Variants in CBX6 observed in about 807,000 individuals in gnomAD.
CBX6 encodes the protein chromobox 6, also known as chromobox protein homolog 6.
In CBX6, 7 loss-of-function variants were observed where a neutral mutation model predicts 28.4. That is an observed-to-expected ratio of 0.25 (90% CI 0.14 to 0.46). The LOEUF is 0.46. Ranked by LOEUF, CBX6 falls within the 20% of genes least tolerant of loss-of-function variation. The pLI is 0.99. For synonymous variants in CBX6, 297 were observed against 273.4 expected (o/e 1.09, Z -0.85); for missense variants, 512 against 606.1 (o/e 0.84, Z 1.63).
intron 4 of CBX6, 27 bp from the exon 5 acceptor site, chr22:38,867,228 G>GGGGGGGCC: frequency 1.9e-6 from 1 of 518,862 alleles, no homozygotes; most frequent in Non-Finnish European, 3.6e-6. Context: ...GGGTGGGTGG[G>GGGGGGGCC]ACCTCAGGAC....
At position 38,871,871 on chromosome 22, in the gene CBX6, C is replaced by T; in HGVS notation, c.113+31G>A. The T allele has an allele frequency of 6.5e-7, 1 of 1,536,344 alleles. No homozygotes were observed. Among genetic ancestry groups the T allele is most frequent in the Non-Finnish European group, 8.8e-7 (1 of 1,138,260 alleles). ...GCCCCGGTGCCCGCTGCCTCCCCTC[C>T]CGCGACGCCCCCGGACCCCGCGACA... On this transcript the variant is annotated intron_variant, in intron 2 of 4. Transcript: ENST00000407418. The surrounding 1 kb of genome is among the most constrained non-coding windows in gnomAD (Gnocchi z 5.6).
At position 38,863,270 on chromosome 22, in the gene CBX6, G is replaced by C. The variant is rs1042676599; in HGVS notation, c.*2939C>G. The C allele has an allele frequency of 6.6e-6, 1 of 152,216 alleles. No individual in the cohort carries two copies. The highest frequency in any genetic ancestry group is 2.4e-5 in the African/African-American group (1 of 41,434). 9.4% of individuals were successfully genotyped at this position (152,216 alleles called of 1,614,324 possible). A position where few individuals can be genotyped will look rare whatever the true frequency, so the allele number is the denominator to read the frequency against. On this transcript the variant is annotated 3_prime_UTR_variant, in exon 5 of 5. Transcript: ENST00000407418. The stretch of plus-strand genomic sequence containing the variant: ...CAAACCAGAGACACCAGACCTCACC[G>C]GTTTCCTATGATACTTGGGTGGGGA...
In CBX6 at chr22:38,865,707, A is replaced by G; in HGVS notation, c.*502T>C. On this transcript the variant is annotated 3_prime_UTR_variant, in exon 5 of 5. Coordinates refer to ENST00000407418, the MANE Select transcript of CBX6 (RefSeq NM_014292.5). ...ACTTCTGATGCCCTGGCTGATGTGG[A>G]GGGAGGAGCCGAGTCAGGCCTCATC... 6.3e-6 allele frequency: 1 copy of G among 159,210 alleles called. No homozygotes were observed. Among genetic ancestry groups the G allele is most frequent in the Non-Finnish European group, 1.4e-5 (1 of 72,144 alleles). The allele number at this position is 159,210 out of a possible 1,614,324, so 9.9% of individuals were successfully genotyped here.
chr22:38,871,396 T>C lies in CBX6; in HGVS notation c.246+84A>G. 1 of 1,392,668 alleles carries C rather than the reference T, an allele frequency of 7.2e-7. No individual in the cohort carries two copies. The highest frequency in any genetic ancestry group is 9.9e-7 in the Non-Finnish European group (1 of 1,014,672). 86.3% of individuals were successfully genotyped at this position (1,392,668 alleles called of 1,614,324 possible). On this transcript the variant is annotated intron_variant, in intron 4 of 4. Coordinates refer to ENST00000407418, the MANE Select transcript of CBX6 (RefSeq NM_014292.5). This position sits in a 1 kb window ranked among gnomAD's most constrained non-coding sequence, Gnocchi z 5.6. ...AGGCCGGCCCGCTTGGGCGGCCGCGTATCTGTCCCTCCCTTCCAGGCCCCG... is the reference window on the plus strand; with the variant it reads ...AGGCCGGCCCGCTTGGGCGGCCGCGCATCTGTCCCTCCCTTCCAGGCCCCG...
Position 38,861,841 on chromosome 22 carries a change from G to C in CBX6, c.*4368C>G, listed in dbSNP as rs1229834546. 2 of 152,138 alleles carry C rather than the reference G, an allele frequency of 1.3e-5. No homozygotes were observed. The highest frequency in any genetic ancestry group is 2.9e-5 in the Non-Finnish European group (2 of 68,018). 9.4% of individuals were successfully genotyped at this position (152,138 alleles called of 1,614,324 possible). A position where few individuals can be genotyped will look rare whatever the true frequency, so the allele number is the denominator to read the frequency against. On this transcript the variant is annotated 3_prime_UTR_variant, in exon 5 of 5. Transcript: ENST00000407418. ...CAACAACACTTCATTTTAAAAATGA[G>C]AGAAAAAAGAGACAGTGCCCCTCCC... is the stretch of plus-strand genomic sequence containing the variant.
rs139971387 is a variant in CBX6, at chr22:38,865,662, GA to G, written c.*546del. Reference sequence around the variant, plus strand: ...TAGGCCTCGTCCAAAATCGAGCAGGGAAGACCCCGCCCTGGCCCAACTTCTG... The same window carrying G: ...TAGGCCTCGTCCAAAATCGAGCAGGGAGACCCCGCCCTGGCCCAACTTCTG... On this transcript the variant is annotated 3_prime_UTR_variant, in exon 5 of 5. Coordinates refer to ENST00000407418, the MANE Select transcript of CBX6 (RefSeq NM_014292.5). 6,156 of 157,380 alleles carry G rather than the reference GA, an allele frequency of 0.039. 173 individuals are homozygous for G. The highest frequency in any genetic ancestry group is 0.087 in the East Asian group (454 of 5,232). 9.7% of individuals were successfully genotyped at this position (157,380 alleles called of 1,614,324 possible).
chr22:38,871,821 G>A lies in CBX6; in HGVS notation c.114-64C>T, dbSNP rs990121551. 5.1e-6 allele frequency: 8 copies of A among 1,581,522 alleles called. No homozygotes were observed. The Admixed American group carries it at 7.0e-5, about 14-fold the overall frequency. ...AGAGAGGGACAGGCACGCGGCGAGA[G>A]CAAGAGCGCGCACCCCCACCCCAGG... On this transcript the variant is annotated intron_variant, in intron 2 of 4. Transcript: ENST00000407418. This position sits in a 1 kb window ranked among gnomAD's most constrained non-coding sequence, Gnocchi z 5.6.
rs1413367054 is a variant in CBX6 at position 38,866,020 on chromosome 22, T to C, written c.*189A>G. 2 of 600,800 alleles carry C rather than the reference T, an allele frequency of 3.3e-6. No homozygotes were observed. Among genetic ancestry groups the C allele is most frequent in the Non-Finnish European group, 2.9e-6 (1 of 339,634 alleles). The allele number at this position is 600,800 out of a possible 1,614,324, so 37.2% of individuals were successfully genotyped here. ...GGGGGTGTGCCCTTCCCCTGCCCCATTCCAGGGTGGCCCCTACCCCCGGCT... is the reference window on the plus strand; with the variant it reads ...GGGGGTGTGCCCTTCCCCTGCCCCACTCCAGGGTGGCCCCTACCCCCGGCT... On this transcript the variant is annotated 3_prime_UTR_variant, in exon 5 of 5. Transcript: ENST00000407418. The surrounding 1 kb of genome is among the most constrained non-coding windows in gnomAD (Gnocchi z 7.5).
intron 4 of CBX6, among the ~76,000 whole-genome samples, chr22:38,868,335 C>T (rs1013570464): frequency 3.9e-5 from 6 of 152,134 alleles, no homozygotes; most frequent in Admixed American, 2.0e-4. Context: ...TTTCGTGCAG[C>T]GAAAGAACCA....
intron 4 of CBX6, among the ~76,000 whole-genome samples, chr22:38,869,075 G>A (rs1161456615): frequency 2.6e-5 from 4 of 152,174 alleles, no homozygotes; most frequent in African/African-American, 9.7e-5. Context: ...TGCCAATGCT[G>A]CCAGCCCAGC....
At chr22:38,869,131 G>C (rs2093176825) in intron 4 of CBX6, among the ~76,000 whole-genome samples, 1 of 152,212 alleles carries the variant, frequency 6.6e-6, no homozygotes, top group Non-Finnish European at 1.5e-5. Flanking sequence ...CAAAGGCAGG[G>C]AAAAGCCCAG....
At position 38,866,140 on chromosome 22, in the gene CBX6, G is replaced by T; in HGVS notation, c.*69C>A. The T allele has an allele frequency of 9.0e-7, 1 of 1,108,612 alleles. No homozygotes were observed. Among genetic ancestry groups the T allele is most frequent in the Non-Finnish European group, 1.3e-6 (1 of 771,164 alleles). The allele number at this position is 1,108,612 out of a possible 1,614,324, so 68.7% of individuals were successfully genotyped here. A position where few individuals can be genotyped will look rare whatever the true frequency, so the allele number is the denominator to read the frequency against. ...GGGAGAGAGGGCTGGGGGCAAGGGTGGGGTGGGAGCAAGAGTATGACTTCG... is the reference window on the plus strand; with the variant it reads ...GGGAGAGAGGGCTGGGGGCAAGGGTTGGGTGGGAGCAAGAGTATGACTTCG... On this transcript the variant is annotated 3_prime_UTR_variant, in exon 5 of 5. Transcript: ENST00000407418. The surrounding 1 kb of genome is among the most constrained non-coding windows in gnomAD (Gnocchi z 7.5).
rs1437016392 is a variant in CBX6 at position 38,862,227 on chromosome 22, G to A, written c.*3982C>T. 2.0e-5 allele frequency: 3 copies of A among 152,172 alleles called. No homozygotes were observed. The highest frequency in any genetic ancestry group is 2.9e-5 in the Non-Finnish European group (2 of 68,048). 9.4% of individuals were successfully genotyped at this position (152,172 alleles called of 1,614,324 possible). A position where few individuals can be genotyped will look rare whatever the true frequency, so the allele number is the denominator to read the frequency against. On this transcript the variant is annotated 3_prime_UTR_variant, in exon 5 of 5. Transcript: ENST00000407418. ...AGGGAACCACGAAGGCCTGGGAGGG[G>A]GCATCTTTGGCCCCCACTAACCATC... is the stretch of plus-strand genomic sequence containing the variant.
At position 38,862,044 on chromosome 22, in the gene CBX6, G is replaced by C. The variant is rs1003711578; in HGVS notation, c.*4165C>G. The C allele has an allele frequency of 1.3e-5, 2 of 152,158 alleles. No homozygotes were observed. Among genetic ancestry groups the C allele is most frequent in the African/African-American group, 2.4e-5 (1 of 41,426 alleles). 9.4% of individuals were successfully genotyped at this position (152,158 alleles called of 1,614,324 possible). The stretch of plus-strand genomic sequence containing the variant: ...CCTCTCCACTCCACCCAGCAGCAAG[G>C]GCAGCCGGAACGCTTCGCTCCAGCT... On this transcript the variant is annotated 3_prime_UTR_variant, in exon 5 of 5. Coordinates refer to ENST00000407418, the MANE Select transcript of CBX6 (RefSeq NM_014292.5).
In CBX6 at chr22:38,865,877, A is replaced by C; in HGVS notation, c.*332T>G. ...TGCCAGGTTAGCACCGAGAAATCAG[A>C]CGCCGCACAGGAGAGCAGGAAGCAA... On this transcript the variant is annotated 3_prime_UTR_variant, in exon 5 of 5. Transcript: ENST00000407418. 3.3e-6 allele frequency: 1 copy of C among 303,166 alleles called. No individual in the cohort carries two copies. Among genetic ancestry groups the C allele is most frequent in the Non-Finnish European group, 6.1e-6 (1 of 163,114 alleles). 18.8% of individuals were successfully genotyped at this position (303,166 alleles called of 1,614,324 possible).
At chr22:38,868,911 G>A (rs183260804) in intron 4 of CBX6, among the ~76,000 whole-genome samples, 18 of 152,228 alleles carry the variant, frequency 1.2e-4, no homozygotes, top group Non-Finnish European at 2.4e-4. Flanking sequence ...GGCTAAGCAA[G>A]GATGTCTTCA....
chr22:38,862,880 TC>T lies in CBX6; in HGVS notation c.*3328del, dbSNP rs1432533940. 6.6e-6 allele frequency: 1 copy of T among 152,386 alleles called. No individual in the cohort carries two copies. The highest frequency in any genetic ancestry group is 1.5e-5 in the Non-Finnish European group (1 of 68,088). The allele number at this position is 152,386 out of a possible 1,614,324, so 9.4% of individuals were successfully genotyped here. A position where few individuals can be genotyped will look rare whatever the true frequency, so the allele number is the denominator to read the frequency against. ...TCCTGGGCCCCAGTCCCTGCCGCATTCCCCCAGTGAAGCAGCTGCGCTTCTC... is the reference window on the plus strand; with the variant it reads ...TCCTGGGCCCCAGTCCCTGCCGCATTCCCCAGTGAAGCAGCTGCGCTTCTC... On this transcript the variant is annotated 3_prime_UTR_variant, in exon 5 of 5. Coordinates refer to ENST00000407418, the MANE Select transcript of CBX6 (RefSeq NM_014292.5).
chr22:38,870,412 C>A lies in CBX6; in HGVS notation c.246+1068G>T, dbSNP rs1001179047. ...ATACTCGCTTCGCCGCTAGAGGGTGCCCCAGCTGCACTGAGAGGCTGTCAC... is the reference window on the plus strand; with the variant it reads ...ATACTCGCTTCGCCGCTAGAGGGTGACCCAGCTGCACTGAGAGGCTGTCAC... On this transcript the variant is annotated intron_variant, in intron 4 of 4. Coordinates refer to ENST00000407418, the MANE Select transcript of CBX6 (RefSeq NM_014292.5). This position sits in a 1 kb window ranked among gnomAD's most constrained non-coding sequence, Gnocchi z 4.3. 2.0e-5 allele frequency: 3 copies of A among 152,256 alleles called. No individual in the cohort carries two copies. Among genetic ancestry groups the A allele is most frequent in the Non-Finnish European group, 1.5e-5 (1 of 68,070 alleles). 9.4% of individuals were successfully genotyped at this position (152,256 alleles called of 1,614,324 possible). A position where few individuals can be genotyped will look rare whatever the true frequency, so the allele number is the denominator to read the frequency against.
At position 38,866,932 on chromosome 22, in the gene CBX6, G is replaced by A; in HGVS notation, c.516C>T (p.Asn172=). ...RKVKPREPKR[N]RIILNLKVID... is the part of the protein sequence containing the mutation. ...TCACCTTCAGGTTCAGGATGATGCGGTTCCGCTTGGGCTCCCGCGGCTTCA... is the reference window on the plus strand; with the variant it reads ...TCACCTTCAGGTTCAGGATGATGCGATTCCGCTTGGGCTCCCGCGGCTTCA... The change falls in exon 5 of 5, where the codon AAC becomes AAT. Residue 172 remains asparagine, a synonymous_variant. Coordinates refer to ENST00000407418, the MANE Select transcript of CBX6 (RefSeq NM_014292.5). This position sits in a 1 kb window ranked among gnomAD's most constrained non-coding sequence, Gnocchi z 7.5. 1 of 1,607,542 alleles carries A rather than the reference G, an allele frequency of 6.2e-7. No individual in the cohort carries two copies.
Sources: gnomAD v4.1 joint callset for allele counts (sites outside exome capture counted in the v4.1 genomes callset) on GRCh38, gnomAD v4.1.1 for gene constraint, Gnocchi (gnomAD v3.1) non-coding constraint, MANE v1.5 for transcripts, NCBI Gene and HGNC (gene_info 2026-07-23, HGNC 2026-07-21) for gene names.